Variants in SBNO2 observed in about 807,000 individuals in gnomAD.
SBNO2 encodes strawberry notch homolog 2.
Under a neutral mutation model 146.3 loss-of-function variants are expected in SBNO2, and 89 were observed. The observed-to-expected ratio is 0.61, with a 90% CI of 0.51 to 0.73. SBNO2 has a LOEUF of 0.73. Among genes scored for constraint, SBNO2 ranks in the 30% least tolerant of loss-of-function variants. The pLI, the probability that SBNO2 is intolerant of heterozygous loss-of-function variation, is 0.00. For synonymous variants in SBNO2, 1,147 were observed against 892.6 expected (o/e 1.29, Z -5.08); for missense variants, 2,092 against 2,003.7 (o/e 1.04, Z -0.84).
At chr19:1,166,401 G>T (rs1346612548) in intron 1 of SBNO2, among the ~76,000 whole-genome samples, 1 of 152,234 alleles carries the variant, frequency 6.6e-6, no homozygotes, top group Non-Finnish European at 1.5e-5. Context: ...TTAAAGGCCT[G>T]TCCGCCTGGA....
Position 1,112,002 on chromosome 19 carries a change from C to G in SBNO2, c.2694G>C (p.Glu898Asp). 2 of 1,589,778 alleles carry G rather than the reference C, an allele frequency of 1.3e-6. No homozygotes were observed. The highest frequency in any genetic ancestry group is 1.7e-6 in the Non-Finnish European group (2 of 1,167,260). Residue 898 changes from glutamate to aspartate, a missense_variant, in exon 23 of 32, where the codon GAG becomes GAC. Coordinates refer to ENST00000361757, the MANE Select transcript of SBNO2 (RefSeq NM_014963.3). This position sits in a 1 kb window ranked among gnomAD's most constrained non-coding sequence, Gnocchi z 5.9. The stretch of plus-strand genomic sequence containing the variant: ...CCTGCCTTCCCTGCAGTACCTTGTT[C>G]TCAAAGTTGTACTTGCTGAGGTCAC... ...ESRDLSKYNF[E>D]NKYGTRALHC...
At chr19:1,124,511 G>T (rs1263986494) in intron 5 of SBNO2, among the ~76,000 whole-genome samples, 1 of 152,260 alleles carries the variant, frequency 6.6e-6, no homozygotes, top group Non-Finnish European at 1.5e-5. Context: ...GGGGGCGGGC[G>T]GGCCTGGGCC....
In SBNO2 at chr19:1,150,714, TC is replaced by T. The variant is rs1276885772; in HGVS notation, c.94-1273del. ...TCTCCCAGGCCCACGTGAGCCCTGC[TC>T]CTCTATGAGGCCCTGATGCAATTCC... On this transcript the variant is annotated intron_variant, in intron 2 of 31. Transcript: ENST00000361757. The surrounding 1 kb of genome is among the most constrained non-coding windows in gnomAD (Gnocchi z 6.2). Among the ~76,000 whole-genome samples, 1 of 152,076 alleles carries T rather than the reference TC, an allele frequency of 6.6e-6. No individual in the cohort carries two copies.
chr19:1,119,386 G>T, intron 13 of SBNO2, 130 bp downstream of exon 13: 2 of 886,794 alleles, frequency 2.3e-6, no homozygotes, highest in South Asian at 3.4e-5. Context: ...GCAGTGAAAC[G>T]AGCGACCCAC....
chr19:1,115,851 C>T (rs1337594910), intron 17 of SBNO2, 170 bp downstream of exon 17: 1 of 663,224 alleles, frequency 1.5e-6, no homozygotes, highest in Non-Finnish European at 2.7e-6. Context: ...TGGCAGGGTC[C>T]ACGCAAGACC....
intron 11 of SBNO2, among the ~76,000 whole-genome samples, chr19:1,121,541 A>G (rs889825549): frequency 1.3e-5 from 2 of 152,108 alleles, no homozygotes; most frequent in Non-Finnish European, 2.9e-5. Context: ...CCCAAGGTGC[A>G]CCCTGCAGGG....
At chr19:1,117,889 C>A (rs2079852474) in intron 14 of SBNO2, among the ~76,000 whole-genome samples, 1 of 152,208 alleles carries the variant, frequency 6.6e-6, no homozygotes, top group Non-Finnish European at 1.5e-5. Context: ...GGTTTGGGGG[C>A]TGGTCCCGGC....
chr19:1,132,264 A>G, intron 4 of SBNO2: 1 of 1,314,884 alleles, frequency 7.6e-7, no homozygotes, highest in Non-Finnish European at 9.7e-7. Context: ...GCCCGGCTGC[A>G]TTTGCATGTC....
chr19:1,162,431 G>A (rs1482268094), intron 1 of SBNO2, among the ~76,000 whole-genome samples: 3 of 149,810 alleles, frequency 2.0e-5, no homozygotes, highest in African/African-American at 4.9e-5. Flanking sequence ...CTGCACTCCA[G>A]CCTGGGTGAA....
Position 1,136,182 on chromosome 19 carries a change from G to A in SBNO2, c.280-8417C>T, listed in dbSNP as rs1013649808. Among the ~76,000 whole-genome samples the A allele has an allele frequency of 9.9e-5, 15 of 152,106 alleles. No homozygotes were observed. The highest frequency in any genetic ancestry group is 3.9e-4 in the East Asian group (2 of 5,182). On this transcript the variant is annotated intron_variant, in intron 4 of 31. Transcript: ENST00000361757. This position sits in a 1 kb window ranked among gnomAD's most constrained non-coding sequence, Gnocchi z 4.2. ...GGATCCCCCAGATGCTGGAGGGGCC[G>A]GAAGGAGCGCGGCCCTGTCCGCACC...
Position 1,112,850 on chromosome 19 carries a change from T to C in SBNO2, c.2347A>G (p.Arg783Gly). ...CCGCTCATGAAGCGCTGCTTCTCCC[T>C]GAGGTTCACGTGGTCGATGGACAGA... The part of the protein sequence containing the change: ...QGLSIDHVNL[R>G]EKQRFMSGEK... Residue 783 changes from arginine to glycine, a missense_variant, in exon 20 of 32, where the codon AGG becomes GGG. Coordinates refer to ENST00000361757, the MANE Select transcript of SBNO2 (RefSeq NM_014963.3). This position sits in a 1 kb window ranked among gnomAD's most constrained non-coding sequence, Gnocchi z 5.9. 1 of 1,576,354 alleles carries C rather than the reference T, an allele frequency of 6.3e-7. No individual in the cohort carries two copies. Among genetic ancestry groups the C allele is most frequent in the Admixed American group, 1.8e-5 (1 of 54,566 alleles).
intron 4 of SBNO2, among the ~76,000 whole-genome samples, chr19:1,142,783 A>G (rs1274831782): frequency 1.3e-5 from 2 of 152,124 alleles, no homozygotes; most frequent in African/African-American, 2.4e-5. Flanking sequence ...CCTGGCCAAC[A>G]TGGCGAAATC....
chr19:1,134,735 T>G (rs1001711916), intron 4 of SBNO2, among the ~76,000 whole-genome samples: 1 of 152,128 alleles, frequency 6.6e-6, no homozygotes, highest in Non-Finnish European at 1.5e-5. Context: ...TGCACAACTC[T>G]GTGAATATAC....
intron 1 of SBNO2, among the ~76,000 whole-genome samples, chr19:1,170,309 C>T (rs772875975): frequency 6.6e-6 from 1 of 152,180 alleles, no homozygotes; most frequent in Non-Finnish European, 1.5e-5. Context: ...CACCTCCCAG[C>T]AGGGAGGCAA....
In SBNO2 at chr19:1,122,897, G is replaced by A. The variant is rs1468207287; in HGVS notation, c.777C>T (p.Cys259=). 2.6e-6 allele frequency: 4 copies of A among 1,546,104 alleles called. No individual in the cohort carries two copies. Among genetic ancestry groups the A allele is most frequent in the South Asian group, 2.4e-5 (2 of 83,416 alleles). ...TGGGTTGGGGACATGCGGTCACCTG[G>A]CAGGCGTAGGTGATGGCCTCTAGCT... ...ALQLEAITYA[C]QQHEVLLPSG... The change falls in exon 8 of 32, where the codon TGC becomes TGT. Residue 259 remains cysteine (C), a synonymous_variant. Coordinates refer to ENST00000361757, the MANE Select transcript of SBNO2 (RefSeq NM_014963.3).
intron 4 of SBNO2, chr19:1,132,018 G>C: frequency 1.6e-6 from 2 of 1,232,728 alleles, no homozygotes; most frequent in Non-Finnish European, 2.2e-6. Context: ...GGGCCCGGCC[G>C]TCCTGAATGG....
At chr19:1,162,836 G>C (rs760931344) in intron 1 of SBNO2, among the ~76,000 whole-genome samples, 3 of 152,226 alleles carry the variant, frequency 2.0e-5, no homozygotes, top group African/African-American at 7.2e-5. Flanking sequence ...TCCAGCCGCC[G>C]GACAGCGTTC....
At chr19:1,149,849 C>T (rs929857727) in intron 2 of SBNO2, among the ~76,000 whole-genome samples, 1 of 152,180 alleles carries the variant, frequency 6.6e-6, no homozygotes, top group Non-Finnish European at 1.5e-5. Flanking sequence ...GAGGGAGACG[C>T]GCACCCGCTG....
chr19:1,125,067 A>G (rs2079949877), intron 5 of SBNO2, among the ~76,000 whole-genome samples: 1 of 151,946 alleles, frequency 6.6e-6, no homozygotes, highest in South Asian at 2.1e-4. Flanking sequence ...AAACGTAAGC[A>G]TGGTCAGGGT....
Sources: allele counts gnomAD v4.1 joint callset (sites outside exome capture counted in the v4.1 genomes callset), GRCh38; gene constraint gnomAD v4.1.1; non-coding constraint Gnocchi (gnomAD v3.1); transcripts MANE v1.5; gene names NCBI Gene and HGNC (gene_info 2026-07-23, HGNC 2026-07-21).